HEPHL1: variants seen among roughly 807,000 people sequenced by gnomAD.
HEPHL1 encodes the protein hephaestin like 1, also known as ferroxidase HEPHL1.
A neutral mutation model predicts 122.0 loss-of-function variants in HEPHL1; 123 were observed. The ratio of observed to expected loss-of-function variants is 1.01; its 90% CI spans 0.87 to 1.17. The LOEUF is 1.17. Among genes scored for constraint, HEPHL1 ranks in the 50% most tolerant of loss-of-function variants. The probability of loss-of-function intolerance (pLI) is 0.00; values close to 1 mark genes in which losing one functional copy is unlikely to be tolerated. For missense variants in HEPHL1, 1,452 were observed against 1,430.5 expected, an observed-to-expected ratio of 1.01 and a Z score of -0.24; for synonymous variants, 527 against 508.9, an observed-to-expected ratio of 1.04 and a Z score of -0.48.
At chr11:94,060,838 G>A (rs1945981276) in intron 2 of HEPHL1, among the ~76,000 whole-genome samples, 1 of 152,158 alleles carries the variant, frequency 6.6e-6, no homozygotes, top group Non-Finnish European at 1.5e-5. Flanking sequence ...GGGAACAATA[G>A]AATTATATTT....
At chr11:94,042,875 T>TAA (rs58966846) in intron 1 of HEPHL1, among the ~76,000 whole-genome samples, 3 of 63,168 alleles carry the variant, frequency 4.7e-5, no homozygotes, top group Admixed American at 1.8e-4. Flanking sequence ...TAAAGTATAA[T>TAA]AAAAAAAAAA....
intron 14 of HEPHL1, among the ~76,000 whole-genome samples, 156 bp from the exon 15 acceptor site, chr11:94,102,758 A>C (rs1797842834): frequency 6.6e-6 from 1 of 152,242 alleles, no homozygotes; most frequent in African/African-American, 2.4e-5. Context: ...GTAGAAATCA[A>C]GATGGGAGTT....
At chr11:94,063,363 T>C (rs1159754014) in intron 2 of HEPHL1, 145 bp from the exon 3 acceptor site, 5 of 657,130 alleles carry the variant, frequency 7.6e-6, no homozygotes, top group Non-Finnish European at 1.3e-5. Context: ...CATTGAGAAT[T>C]TAAGTAACTT....
Position 94,067,522 on chromosome 11 carries a change from T to C in HEPHL1, c.835T>C (p.Phe279Leu), listed in dbSNP as rs566205945. ...CCTCAATGGATACCTCTTCGGAAAC[T>C]TCCCGGAGCCTGATATGTGTGTTGG... ...HALNGYLFGN[F>L]PEPDMCVGES... Residue 279 changes from phenylalanine to leucine, a missense_variant, in exon 5 of 20, where the codon TTC (phenylalanine) becomes CTC (leucine). By Grantham distance (22) the Phe-to-Leu change is conservative. Coordinates refer to ENST00000315765, the MANE Select transcript of HEPHL1 (RefSeq NM_001098672.2). 6.2e-7 allele frequency: 1 copy of C among 1,613,660 alleles called. No homozygotes were observed. Among genetic ancestry groups the C allele is most frequent in the South Asian group, 1.1e-5 (1 of 91,078 alleles).
chr11:94,089,239 G>A (rs1946244852), intron 12 of HEPHL1, among the ~76,000 whole-genome samples: 1 of 152,198 alleles, frequency 6.6e-6, no homozygotes, highest in Admixed American at 6.5e-5. Flanking sequence ...AAAAGGCTGA[G>A]GGAAAGAGGC....
intron 14 of HEPHL1, among the ~76,000 whole-genome samples, chr11:94,102,491 TC>T (rs1946375565): frequency 6.6e-6 from 1 of 152,180 alleles, no homozygotes; most frequent in Non-Finnish European, 1.5e-5. Flanking sequence ...GATTTCACTG[TC>T]TGGGGTGAGG....
At chr11:94,027,786 G>A (rs941797534) in intron 1 of HEPHL1, among the ~76,000 whole-genome samples, 1 of 152,186 alleles carries the variant, frequency 6.6e-6, no homozygotes, top group Non-Finnish European at 1.5e-5. Context: ...GAAATGAAGA[G>A]TGAAAAGGAA....
At chr11:94,094,162 C>A (rs188840611) in intron 13 of HEPHL1, among the ~76,000 whole-genome samples, 2 of 151,268 alleles carry the variant, frequency 1.3e-5, no homozygotes, top group Non-Finnish European at 2.9e-5. Flanking sequence ...CCCTACCCCA[C>A]GACAGGCCCT....
Position 94,048,667 on chromosome 11 carries a change from A to G in HEPHL1, c.415+2750A>G, listed in dbSNP as rs572893385. On this transcript the variant is annotated intron_variant, in intron 2 of 19. Coordinates refer to ENST00000315765, the MANE Select transcript of HEPHL1 (RefSeq NM_001098672.2). ...ATGAGCCACTGTGCCCAGCCTGTGG[A>G]CAAAATTTTGAACCCACTTTTAAGA... Among the ~76,000 whole-genome samples, 6 of 152,174 alleles carry G rather than the reference A, an allele frequency of 3.9e-5. No homozygotes were observed. In the South Asian group the frequency reaches 1.2e-3, roughly 32 times the overall value.
At chr11:94,100,884 A>C (rs1946362229) in intron 13 of HEPHL1, among the ~76,000 whole-genome samples, 1 of 152,308 alleles carries the variant, frequency 6.6e-6, no homozygotes, top group Middle Eastern at 3.4e-3. Flanking sequence ...AACCCTTACT[A>C]TAATCCCACA....
At chr11:94,111,658 T>C in intron 19 of HEPHL1, 34 bp from the exon 20 acceptor site, 1 of 1,612,172 alleles carries the variant, frequency 6.2e-7, no homozygotes, top group Non-Finnish European at 8.5e-7. Context: ...CCCTCAAAAA[T>C]GTCAGGGGCC....
intron 1 of HEPHL1, among the ~76,000 whole-genome samples, chr11:94,033,111 C>A (rs1159205640): frequency 6.6e-6 from 1 of 152,154 alleles, no homozygotes; most frequent in Non-Finnish European, 1.5e-5. Flanking sequence ...TTTCAAGTCG[C>A]CCGCTTGGCC....
At chr11:94,097,886 CT>C (rs1452255264) in intron 13 of HEPHL1, among the ~76,000 whole-genome samples, 3 of 152,234 alleles carry the variant, frequency 2.0e-5, no homozygotes, top group African/African-American at 7.2e-5. Context: ...TCCTTCATCC[CT>C]TTATTCTGAG....
chr11:94,037,288 G>C (rs1435240515), intron 1 of HEPHL1, among the ~76,000 whole-genome samples: 1 of 151,974 alleles, frequency 6.6e-6, no homozygotes, highest in South Asian at 2.1e-4. Context: ...AGCGAGGCTG[G>C]GGGAGGGGCG....
chr11:94,035,068 A>G lies in HEPHL1; in HGVS notation c.171-10605A>G, dbSNP rs563926505. Among the ~76,000 whole-genome samples the G allele has an allele frequency of 2.0e-5, 3 of 152,312 alleles. No individual in the cohort carries two copies. In the East Asian group the frequency reaches 5.8e-4, roughly 29 times the overall value. On this transcript the variant is annotated intron_variant, in intron 1 of 19. Transcript: ENST00000315765. Reference sequence around the variant, plus strand: ...ATCTAAATGCCTTAGCCAAGCACTCAAATTTCTCCACAGTTTCACTCTTAT... The same window carrying G: ...ATCTAAATGCCTTAGCCAAGCACTCGAATTTCTCCACAGTTTCACTCTTAT...
chr11:94,070,593 T>C (rs1229717980), intron 6 of HEPHL1, 51 bp downstream of exon 6: 1 of 1,451,554 alleles, frequency 6.9e-7, no homozygotes, highest in East Asian at 2.3e-5. Flanking sequence ...GAAGCATGTG[T>C]TAGGCTTTCT....
At chr11:94,032,451 G>A (rs938785656) in intron 1 of HEPHL1, among the ~76,000 whole-genome samples, 14 of 152,114 alleles carry the variant, frequency 9.2e-5, no homozygotes, top group East Asian at 3.9e-4. Flanking sequence ...ACCTTGCTGC[G>A]CTCTCTTTAA....
chr11:94,028,997 T>C (rs1945649113), intron 1 of HEPHL1, among the ~76,000 whole-genome samples: 1 of 152,232 alleles, frequency 6.6e-6, no homozygotes, highest in African/African-American at 2.4e-5. Context: ...AAGCTTTTTT[T>C]CCTATTAGTT....
chr11:94,093,690 C>T, intron 13 of HEPHL1, 50 bp downstream of exon 13: 3 of 1,574,944 alleles, frequency 1.9e-6, no homozygotes, highest in Non-Finnish European at 2.6e-6. Flanking sequence ...CATGTGCATG[C>T]ACACATACTC....
Sources: allele counts gnomAD v4.1 joint callset (sites outside exome capture counted in the v4.1 genomes callset), GRCh38; gene constraint gnomAD v4.1.1; transcripts MANE v1.5; gene names NCBI Gene and HGNC (gene_info 2026-07-23, HGNC 2026-07-21).